The following FANCB variants were observed in gnomAD, a reference collection of about 807,000 sequenced individuals.
FANCB encodes the protein Fanconi anemia group B protein.
A neutral mutation model predicts 38.9 loss-of-function variants in FANCB; 5 were observed. That is an observed-to-expected ratio of 0.13 (90% CI 0.07 to 0.27). The LOEUF (loss-of-function observed/expected upper bound fraction) is 0.27, where lower values mean the gene tolerates loss of function less well. FANCB is among the 10% of genes least tolerant of loss of function. FANCB has a pLI of 1.00. For missense variants in FANCB, 573 were observed against 602.7 expected, an observed-to-expected ratio of 0.95 and a Z score of 0.52; for synonymous variants, 236 against 215.4, an observed-to-expected ratio of 1.10 and a Z score of -0.84.
the FANCB span, among the ~76,000 whole-genome samples, chrX:14,746,548 C>A: frequency 2.7e-5 from 3 of 112,157 alleles, no homozygotes; most frequent in Non-Finnish European, 5.6e-5. Context: ...GTGACAAGAT[C>A]CATCTACTGA....
the FANCB span, among the ~76,000 whole-genome samples, chrX:14,816,000 G>A: frequency 9.0e-6 from 1 of 111,631 alleles, no homozygotes; most frequent in Non-Finnish European, 1.9e-5. Context: ...ACAGACATTG[G>A]AGACTACAAG....
chrX:14,732,511 G>T, the FANCB span, among the ~76,000 whole-genome samples: 6 of 112,086 alleles, frequency 5.4e-5, no homozygotes, highest in Non-Finnish European at 3.8e-5. Context: ...CAATGTAAAA[G>T]CATTCCTTTT....
chrX:14,825,580 TC>T, the FANCB span, among the ~76,000 whole-genome samples: 1 of 112,426 alleles, frequency 8.9e-6, no homozygotes, highest in African/African-American at 3.2e-5. Flanking sequence ...CATCCTTTCA[TC>T]TTTTGTCCTC....
chrX:14,831,307 G>T (rs989033615), downstream of FANCB, among the ~76,000 whole-genome samples: 1 of 112,160 alleles, frequency 8.9e-6, no homozygotes, highest in African/African-American at 3.2e-5. Flanking sequence ...AGAGTACTAG[G>T]GGTTTTACCT....
chrX:14,711,658 A>C, the FANCB span, among the ~76,000 whole-genome samples: 1 of 112,224 alleles, frequency 8.9e-6, no homozygotes, highest in South Asian at 3.7e-4. Flanking sequence ...TTTAATGTAC[A>C]TTTCCCTGAA....
At chrX:14,869,126 C>A (rs1314013615) in intron 1 of FANCB, 83 bp from the exon 2 acceptor site, 1 of 111,627 alleles carries the variant, frequency 9.0e-6, no homozygotes, top group Non-Finnish European at 1.9e-5. Context: ...GGTCCCATGT[C>A]AGGTTTCCTA....
the FANCB span, among the ~76,000 whole-genome samples, chrX:14,819,321 A>G: frequency 7.1e-5 from 8 of 112,118 alleles, no homozygotes; most frequent in Non-Finnish European, 1.5e-4. Context: ...GAGAGCATCA[A>G]GATAAAAATA....
the FANCB span, among the ~76,000 whole-genome samples, chrX:14,724,674 C>T: frequency 2.0e-5 from 2 of 98,930 alleles, no homozygotes; most frequent in East Asian, 6.5e-4. Flanking sequence ...ATGGCAGTTG[C>T]TCAATAAATA....
rs750905901 is a variant in FANCB, at chrX:14,864,619, A to G, written c.892T>C (p.Phe298Leu). The G allele has an allele frequency of 1.7e-6, 2 of 1,209,215 alleles. No individual in the cohort carries two copies. The highest frequency in any genetic ancestry group is 3.5e-5 in the South Asian group (2 of 56,987). Reference protein sequence around the residue: ...QLMDSGGGNLFFVVSFISNNA... With the variant: ...QLMDSGGGNLLFVVSFISNNA... ...TTGGATATAAAGGATACAACGAAAA[A>G]GAGGTTTCCTCCACCTGAATCCATA... The change falls in exon 3 of 10, where the codon TTT (phenylalanine) becomes CTT (leucine). Residue 298 changes from phenylalanine to leucine, a missense_variant. By Grantham distance (22) the Phe-to-Leu change is conservative. Transcript: ENST00000650831.
At chrX:14,811,262 C>T in the FANCB span, among the ~76,000 whole-genome samples, 6 of 111,288 alleles carry the variant, frequency 5.4e-5, no homozygotes, top group East Asian at 1.4e-3. Flanking sequence ...CATCAACTAA[C>T]AAGCAAAATA....
chrX:14,867,451 T>G (rs1365220640), intron 2 of FANCB, among the ~76,000 whole-genome samples: 1 of 111,312 alleles, frequency 9.0e-6, no homozygotes, highest in Admixed American at 9.5e-5. Flanking sequence ...CAACTAATTT[T>G]TGACAAAGGT....
At chrX:14,838,507 C>T (rs999320414), downstream of FANCB, among the ~76,000 whole-genome samples, 5 of 111,414 alleles carry the variant, frequency 4.5e-5, no homozygotes, top group South Asian at 3.7e-4. Flanking sequence ...CCCCTGACCC[C>T]CATCACACCC....
At chrX:14,799,774 A>C in the FANCB span, among the ~76,000 whole-genome samples, 1 of 112,329 alleles carries the variant, frequency 8.9e-6, no homozygotes, top group Non-Finnish European at 1.9e-5. Flanking sequence ...ATAAGACCTC[A>C]GACAGAAAAT....
the FANCB span, among the ~76,000 whole-genome samples, chrX:14,774,826 T>TTTTATTTA: frequency 5.1e-4 from 56 of 109,521 alleles, 2 homozygotes; most frequent in South Asian, 0.017. Context: ...ACTCTGTTAT[T>TTTTATTTA]TTTATTTATT....
chrX:14,742,172 C>T, the FANCB span, among the ~76,000 whole-genome samples: 1 of 111,736 alleles, frequency 8.9e-6, no homozygotes, highest in Non-Finnish European at 1.9e-5. Flanking sequence ...AGTGACATGG[C>T]CCATATTACT....
chrX:14,783,085 CA>C, the FANCB span, among the ~76,000 whole-genome samples: 1 of 111,881 alleles, frequency 8.9e-6, no homozygotes, highest in East Asian at 2.8e-4. Context: ...GCCTGGAGAA[CA>C]AAAACCTCAT....
Position 14,853,055 on chromosome X carries a change from G to A in FANCB, c.1310C>T (p.Thr437Met), listed in dbSNP as rs772802668. 21 of 1,198,336 alleles carry A rather than the reference G, an allele frequency of 1.8e-5. No homozygotes were observed. In the Middle Eastern group the frequency reaches 9.5e-4, roughly 54 times the overall value. ...TACTTTTACCTCCTCTGCACTTGAC[G>A]TATTATCATCTTTTCCTTGAACTAG... Reference protein sequence around the residue: ...INLVQGKDDNTSSAEEKECLV... With the variant: ...INLVQGKDDNMSSAEEKECLV... The change falls in exon 6 of 10, where the codon ACG (threonine) becomes ATG (methionine). Residue 437 changes from threonine (T) to methionine (M), a missense_variant. Thr to Met is a moderately conservative substitution (Grantham distance 81, BLOSUM62 -1). Coordinates refer to ENST00000650831, the MANE Select transcript of FANCB (RefSeq NM_001018113.3).
At chrX:14,831,710 T>C (rs1381990323), downstream of FANCB, among the ~76,000 whole-genome samples, 1 of 111,713 alleles carries the variant, frequency 9.0e-6, no homozygotes, top group Non-Finnish European at 1.9e-5. Context: ...GAATGAACAC[T>C]GAAACAGTGG....
At chrX:14,840,054 C>T (rs1182010083), downstream of FANCB, among the ~76,000 whole-genome samples, 2 of 111,575 alleles carry the variant, frequency 1.8e-5, no homozygotes, top group Non-Finnish European at 3.8e-5. Flanking sequence ...AAGGTTTCAC[C>T]ATGTTGGCCA....
Sources: allele counts gnomAD v4.1 joint callset (sites outside exome capture counted in the v4.1 genomes callset), GRCh38; gene constraint gnomAD v4.1.1; transcripts MANE v1.5; gene names NCBI Gene and HGNC (gene_info 2026-07-23, HGNC 2026-07-21).